The following RAB28 variants were observed in gnomAD, a reference collection of about 807,000 sequenced individuals.
RAB28 encodes the protein ras-related protein Rab-28.
A neutral mutation model predicts 31.7 loss-of-function variants in RAB28; 24 were observed. The ratio of observed to expected loss-of-function variants is 0.76; its 90% CI spans 0.55 to 1.06. The LOEUF (loss-of-function observed/expected upper bound fraction) is 1.06, where lower values mean the gene tolerates loss of function less well. Among genes scored for constraint, RAB28 ranks in the 50% least tolerant of loss-of-function variants. The pLI, the probability that RAB28 is intolerant of heterozygous loss-of-function variation, is 0.00. For missense variants in RAB28, 254 were observed against 258.5 expected (o/e 0.98, Z 0.12); for synonymous variants, 100 against 90.4 (o/e 1.11, Z -0.60).
chr4:13,482,382 T>C (rs1038279940), intron 1 of RAB28, among the ~76,000 whole-genome samples: 1 of 150,192 alleles, frequency 6.7e-6, no homozygotes, highest in African/African-American at 2.5e-5. Context: ...TAAAGAATTA[T>C]GATAGCATAT....
At chr4:13,380,725 C>A (rs1178660657) in intron 5 of RAB28, among the ~76,000 whole-genome samples, 1 of 151,986 alleles carries the variant, frequency 6.6e-6, no homozygotes, top group African/African-American at 2.4e-5. Context: ...ATGTTTCAAT[C>A]TCCTTTCAAG....
intron 4 of RAB28, among the ~76,000 whole-genome samples, chr4:13,448,947 A>G (rs1220587411): frequency 6.6e-6 from 1 of 151,500 alleles, no homozygotes; most frequent in African/African-American, 2.4e-5. Flanking sequence ...AGAGACAGAA[A>G]TATTAGCTCC....
intron 4 of RAB28, among the ~76,000 whole-genome samples, chr4:13,404,644 C>G (rs1185467840): frequency 6.6e-6 from 1 of 152,074 alleles, no homozygotes; most frequent in Non-Finnish European, 1.5e-5. Flanking sequence ...CAAACATCTC[C>G]ATTGCAAAGA....
At chr4:13,403,905 A>G (rs73229661) in intron 4 of RAB28, among the ~76,000 whole-genome samples, 2,099 of 152,338 alleles carry the variant, frequency 0.014, 24 homozygotes, top group Middle Eastern at 0.044. Context: ...TTAATTTTAG[A>G]AAAGTTTTTA....
intron 4 of RAB28, among the ~76,000 whole-genome samples, chr4:13,422,403 T>A (rs1713211167): frequency 6.6e-6 from 1 of 152,226 alleles, no homozygotes; most frequent in African/African-American, 2.4e-5. Flanking sequence ...GTTGGGTATA[T>A]ATCCAAAGGA....
At chr4:13,425,656 CATT>C (rs1560288265) in intron 4 of RAB28, among the ~76,000 whole-genome samples, 1 of 152,130 alleles carries the variant, frequency 6.6e-6, no homozygotes, top group Non-Finnish European at 1.5e-5. Flanking sequence ...AAGATACTGT[CATT>C]ATAGGGGGAT....
intron 3 of RAB28, among the ~76,000 whole-genome samples, chr4:13,462,595 G>A (rs761189320): frequency 8.2e-4 from 125 of 152,172 alleles, no homozygotes; most frequent in African/African-American, 2.8e-3. Flanking sequence ...TATTATTCTC[G>A]TTTATTAAAC....
At chr4:13,424,090 A>C (rs1713337865) in intron 4 of RAB28, among the ~76,000 whole-genome samples, 2 of 152,252 alleles carry the variant, frequency 1.3e-5, no homozygotes, top group African/African-American at 4.8e-5. Flanking sequence ...TATTATGTAA[A>C]GTGTTGGATG....
At chr4:13,371,975 A>G (rs1438953992) in intron 6 of RAB28, 1 of 1,017,656 alleles carries the variant, frequency 9.8e-7, no homozygotes, top group African/African-American at 1.6e-5. Flanking sequence ...TGGAGGGCAT[A>G]AGCAAGAAAG....
intron 3 of RAB28, among the ~76,000 whole-genome samples, chr4:13,466,611 T>C (rs1223482144): frequency 2.0e-5 from 3 of 151,830 alleles, no homozygotes; most frequent in African/African-American, 7.2e-5. Context: ...TAAATAAGAA[T>C]GCCATTATGG....
At chr4:13,464,890 A>G (rs1012603555) in intron 3 of RAB28, among the ~76,000 whole-genome samples, 2 of 152,120 alleles carry the variant, frequency 1.3e-5, no homozygotes, top group African/African-American at 4.8e-5. Context: ...TTAAGTAACT[A>G]TGACTAATAT....
At chr4:13,467,780 T>C (rs923316033) in intron 3 of RAB28, among the ~76,000 whole-genome samples, 15 of 151,934 alleles carry the variant, frequency 9.9e-5, no homozygotes, top group African/African-American at 3.6e-4. Context: ...TTAACCCAGC[T>C]ATATCAATAA....
At chr4:13,386,370 T>C (rs963482802) in intron 4 of RAB28, among the ~76,000 whole-genome samples, 2 of 151,676 alleles carry the variant, frequency 1.3e-5, no homozygotes, top group African/African-American at 2.4e-5. Flanking sequence ...CTGACAAAGA[T>C]CTAATATCAA....
chr4:13,449,745 A>T, intron 4 of RAB28, among the ~76,000 whole-genome samples: 1 of 151,926 alleles, frequency 6.6e-6, no homozygotes, highest in East Asian at 1.9e-4. Flanking sequence ...AGTAGAAATC[A>T]TTCATCCATC....
intron 3 of RAB28, among the ~76,000 whole-genome samples, chr4:13,472,859 C>G (rs1716183635): frequency 6.7e-6 from 1 of 148,816 alleles, no homozygotes; most frequent in Non-Finnish European, 1.5e-5. Flanking sequence ...AACAAAAAAG[C>G]CATACACAAA....
At chr4:13,459,747 G>A (rs2108959267) in intron 4 of RAB28, 1 of 1,062,026 alleles carries the variant, frequency 9.4e-7, no homozygotes, top group East Asian at 8.5e-5. Flanking sequence ...ATAAGAGACA[G>A]GAGCAAGAAA....
Position 13,381,574 on chromosome 4 carries a change from T to C in RAB28, c.412A>G (p.Thr138Ala), listed in dbSNP as rs200560297. ...CGTAAGTGTTTTTCAGGTTTTATTG[T>C]TCGCATATGCTCCAAATCAACTAGA... ...GNKIDLEHMR[T>A]IKPEKHLRFC... Residue 138 changes from threonine to alanine, a missense_variant, in exon 5 of 7, where the codon ACA becomes GCA. Thr to Ala is a moderately conservative substitution (Grantham distance 58). Transcript: ENST00000330852. 46 of 1,613,176 alleles carry C rather than the reference T, an allele frequency of 2.9e-5. No homozygotes were observed. In the East Asian group the frequency reaches 8.7e-4, roughly 31 times the overall value.
At chr4:13,405,951 T>C (rs1158555290) in intron 4 of RAB28, among the ~76,000 whole-genome samples, 1 of 152,172 alleles carries the variant, frequency 6.6e-6, no homozygotes, top group Non-Finnish European at 1.5e-5. Context: ...GAGAAAACTA[T>C]GGGAAATCCA....
At chr4:13,419,816 A>T (rs1025883146) in intron 4 of RAB28, among the ~76,000 whole-genome samples, 4 of 152,342 alleles carry the variant, frequency 2.6e-5, no homozygotes, top group Admixed American at 1.3e-4. Context: ...TCTAAAATCA[A>T]CACCCTAACA....
Sources: allele counts gnomAD v4.1 joint callset (sites outside exome capture counted in the v4.1 genomes callset), GRCh38; gene constraint gnomAD v4.1.1; transcripts MANE v1.5; gene names NCBI Gene and HGNC (gene_info 2026-07-23, HGNC 2026-07-21).